Variants in FRMPD4 observed in about 807,000 individuals in gnomAD.
FRMPD4 encodes FERM and PDZ domain-containing protein 4.
A neutral mutation model predicts 94.1 loss-of-function variants in FRMPD4; 22 were observed. The observed-to-expected ratio is 0.23, with a 90% CI of 0.17 to 0.33. FRMPD4 has a LOEUF of 0.33. Among genes scored for constraint, FRMPD4 ranks in the 10% least tolerant of loss-of-function variants. FRMPD4 has a pLI of 1.00. For synonymous variants in FRMPD4, 631 were observed against 548.6 expected (o/e 1.15, Z -2.10); for missense variants, 1,111 against 1,339.9 (o/e 0.83, Z 2.67).
At chrX:12,674,446 G>A (rs546033597) in intron 4 of FRMPD4, among the ~76,000 whole-genome samples, 25 of 112,190 alleles carry the variant, frequency 2.2e-4, no homozygotes, top group Middle Eastern at 9.1e-3. Context: ...TCCCCTGACA[G>A]AAAACTACAG....
At chrX:11,975,436 G>A (rs1168902888) in intron 3 of FRMPD4, among the ~76,000 whole-genome samples, 1 of 112,142 alleles carries the variant, frequency 8.9e-6, no homozygotes, top group African/African-American at 3.2e-5. Flanking sequence ...TTTAAAACAT[G>A]TAGAACATCT....
chrX:12,607,506 G>A (rs1286506685), intron 2 of FRMPD4, among the ~76,000 whole-genome samples: 4 of 111,784 alleles, frequency 3.6e-5, no homozygotes, highest in African/African-American at 1.3e-4. Flanking sequence ...GTTTGAATGA[G>A]AGGCTCCACA....
intron 1 of FRMPD4, among the ~76,000 whole-genome samples, chrX:12,297,252 G>A (rs1601791357): frequency 8.9e-6 from 1 of 112,503 alleles, no homozygotes; most frequent in African/African-American, 3.2e-5. Context: ...TTTTAAAAAT[G>A]GCAAAACTGT....
At chrX:12,479,636 G>A (rs890170255) in intron 1 of FRMPD4, among the ~76,000 whole-genome samples, 7 of 107,563 alleles carry the variant, frequency 6.5e-5, no homozygotes. Flanking sequence ...AAAGTAGCTA[G>A]CACTACAGTT....
At chrX:12,509,440 T>G (rs1043901438) in intron 2 of FRMPD4, among the ~76,000 whole-genome samples, 8 of 112,067 alleles carry the variant, frequency 7.1e-5, no homozygotes, top group African/African-American at 2.6e-4. Flanking sequence ...CACAGCGACC[T>G]GGATGGGATT....
chrX:11,848,669 C>T (rs2147287359), intron 1 of FRMPD4, among the ~76,000 whole-genome samples: 1 of 110,401 alleles, frequency 9.1e-6, no homozygotes, highest in African/African-American at 3.3e-5. Context: ...TCATCAAGCC[C>T]CCTGTGGATG....
At chrX:12,451,928 T>C (rs972548653) in intron 1 of FRMPD4, among the ~76,000 whole-genome samples, 5 of 111,318 alleles carry the variant, frequency 4.5e-5, no homozygotes, top group Middle Eastern at 4.6e-3. Context: ...ATTCTTTCTC[T>C]TTTCTAATCT....
At chrX:12,006,171 CTT>C (rs2054552916) in intron 3 of FRMPD4, among the ~76,000 whole-genome samples, 1 of 111,894 alleles carries the variant, frequency 8.9e-6, no homozygotes, top group Non-Finnish European at 1.9e-5. Context: ...GCTCCTGCCT[CTT>C]TTGATTTTCT....
In FRMPD4 at chrX:12,272,833, G is replaced by A. The variant is rs1006094852; in HGVS notation, c.41+133821G>A. Reference sequence around the variant, plus strand: ...ACCTGTAATCCTAACACTTTGGAGGGCGAGGTGGTCAGATCACTTGAGGTA... The same window carrying A: ...ACCTGTAATCCTAACACTTTGGAGGACGAGGTGGTCAGATCACTTGAGGTA... On this transcript the variant is annotated intron_variant, in intron 1 of 16. Coordinates refer to ENST00000675598, the MANE Select transcript of FRMPD4 (RefSeq NM_001368397.1). 7.2e-5 allele frequency among the ~76,000 whole-genome samples: 8 copies of A among 111,734 alleles called. No homozygotes were observed. The South Asian group carries it at 1.1e-3, about 16-fold the overall frequency.
intron 1 of FRMPD4, among the ~76,000 whole-genome samples, chrX:12,209,349 A>G (rs980377116): frequency 8.9e-6 from 1 of 112,404 alleles, no homozygotes; most frequent in African/African-American, 3.2e-5. Flanking sequence ...CATATTTGAA[A>G]GAACAGAACC....
In FRMPD4 at chrX:12,400,309, A is replaced by C. The variant is rs192339592; in HGVS notation, c.42-98371A>C. ...AATTTACTGGGATGGCTTTTTGATT[A>C]GAAAATGGGCAACCACTGTCTTCTT... On this transcript the variant is annotated intron_variant, in intron 1 of 16. Transcript: ENST00000675598. Among the ~76,000 whole-genome samples, 16 of 112,374 alleles carry C rather than the reference A, an allele frequency of 1.4e-4. No individual in the cohort carries two copies. The East Asian group carries it at 4.5e-3, about 32-fold the overall frequency.
At chrX:11,848,240 C>A (rs945161780) in intron 1 of FRMPD4, among the ~76,000 whole-genome samples, 12 of 110,515 alleles carry the variant, frequency 1.1e-4, no homozygotes, top group African/African-American at 3.6e-4. Flanking sequence ...AACTTGCCTG[C>A]AGTTAATTTG....
intron 2 of FRMPD4, among the ~76,000 whole-genome samples, chrX:12,527,061 T>C (rs1414349999): frequency 1.8e-5 from 2 of 111,908 alleles, no homozygotes; most frequent in African/African-American, 3.2e-5. Flanking sequence ...TATAACCAAA[T>C]CAAATTATGG....
chrX:11,874,001 G>A (rs1249265243), intron 2 of FRMPD4, among the ~76,000 whole-genome samples: 3 of 110,941 alleles, frequency 2.7e-5, no homozygotes, highest in Non-Finnish European at 5.7e-5. Context: ...AGCCGAGATC[G>A]CACCACTGCA....
chrX:12,086,087 GTA>G (rs1231614069), intron 3 of FRMPD4, among the ~76,000 whole-genome samples: 181 of 56,656 alleles, frequency 3.2e-3, no homozygotes, highest in African/African-American at 9.7e-3. Context: ...GCGTGTGTGT[GTA>G]TGTGTGTGTG....
At chrX:12,400,252 G>A (rs1456396131) in intron 1 of FRMPD4, among the ~76,000 whole-genome samples, 1 of 111,972 alleles carries the variant, frequency 8.9e-6, no homozygotes, top group Non-Finnish European at 1.9e-5. Context: ...AAAGTAAGTC[G>A]AACCATCTGC....
chrX:12,097,673 G>A (rs1299101275), intron 3 of FRMPD4, among the ~76,000 whole-genome samples: 1 of 112,429 alleles, frequency 8.9e-6, no homozygotes, highest in Non-Finnish European at 1.9e-5. Context: ...CTGGAATAAT[G>A]CAATGGTCTT....
At chrX:12,480,777 C>T (rs1470713213) in intron 1 of FRMPD4, among the ~76,000 whole-genome samples, 1 of 112,378 alleles carries the variant, frequency 8.9e-6, no homozygotes, top group Non-Finnish European at 1.9e-5. Context: ...TTTCTATTTG[C>T]TCAGAGATAG....
intron 1 of FRMPD4, among the ~76,000 whole-genome samples, chrX:11,846,612 G>A (rs1347551299): frequency 1.2e-3 from 128 of 104,496 alleles, no homozygotes; most frequent in African/African-American, 4.6e-3. Context: ...GAGGCATCAC[G>A]CTACCTGACT....
Sources: gnomAD v4.1 joint callset for allele counts (sites outside exome capture counted in the v4.1 genomes callset) on GRCh38, gnomAD v4.1.1 for gene constraint, MANE v1.5 for transcripts, NCBI Gene and HGNC (gene_info 2026-07-23, HGNC 2026-07-21) for gene names.